Variants in ANXA8 observed in about 807,000 individuals in gnomAD.
ANXA8 encodes the protein VAC-beta.
Under a neutral mutation model 26.8 loss-of-function variants are expected in ANXA8, and 9 were observed. The ratio of observed to expected loss-of-function variants is 0.34; its 90% CI spans 0.20 to 0.59. The LOEUF (loss-of-function observed/expected upper bound fraction) is 0.59. Among genes scored for constraint, ANXA8 ranks in the 20% least tolerant of loss-of-function variants. ANXA8 has a pLI of 0.84. For missense variants in ANXA8, 83 were observed against 238.5 expected (o/e 0.35, Z 4.29); for synonymous variants, 39 against 94.8 (o/e 0.41, Z 3.42).
chr10:47,724,832 C>T, the ANXA8 span, among the ~76,000 whole-genome samples: 2 of 138,620 alleles, frequency 1.4e-5, 1 homozygote, highest in Non-Finnish European at 3.2e-5. Flanking sequence ...TTAGCAGTCA[C>T]TCTCCATTCC....
At chr10:47,492,656 G>T in the ANXA8 span, among the ~76,000 whole-genome samples, 2 of 137,004 alleles carry the variant, frequency 1.5e-5, no homozygotes, top group East Asian at 5.4e-4. Flanking sequence ...TCATCCCTGA[G>T]GCAAAGCATG....
chr10:47,968,798 C>T, the ANXA8 span, among the ~76,000 whole-genome samples: 1 of 149,660 alleles, frequency 6.7e-6, no homozygotes, highest in Non-Finnish European at 1.5e-5. Flanking sequence ...GTCATGATTT[C>T]AGTCACCATT....
the ANXA8 span, among the ~76,000 whole-genome samples, chr10:47,519,457 G>A: frequency 3.4e-5 from 4 of 116,988 alleles, no homozygotes; most frequent in African/African-American, 1.0e-4. Flanking sequence ...AACAGAGTGA[G>A]ACTCCATTTC....
chr10:47,766,633 C>CT, the ANXA8 span, among the ~76,000 whole-genome samples: 1 of 53,408 alleles, frequency 1.9e-5, no homozygotes, highest in African/African-American at 7.1e-5. Flanking sequence ...GTTCCTTCTT[C>CT]ACCAGTGAGC....
the ANXA8 span, among the ~76,000 whole-genome samples, chr10:47,669,943 C>A: frequency 6.6e-6 from 1 of 151,792 alleles, no homozygotes; most frequent in African/African-American, 2.4e-5. Context: ...TTACAGCCAT[C>A]ACTACTTTCT....
the ANXA8 span, among the ~76,000 whole-genome samples, chr10:47,525,903 C>G: frequency 7.7e-6 from 1 of 129,460 alleles, no homozygotes; most frequent in African/African-American, 3.0e-5. Flanking sequence ...CTCCCGGGCT[C>G]AAGCGATTCT....
At chr10:47,986,496 G>A in the ANXA8 span, 9 of 301,562 alleles carry the variant, frequency 3.0e-5, no homozygotes, top group African/African-American at 6.7e-5. Flanking sequence ...AGTCCAAGGT[G>A]TGTCTTTTTC....
the ANXA8 span, among the ~76,000 whole-genome samples, chr10:47,674,758 T>C: frequency 3.1e-3 from 477 of 151,896 alleles, 2 homozygotes; most frequent in Non-Finnish European, 5.3e-3. Context: ...TATGGACTTA[T>C]GGATATTTTA....
In ANXA8 at chr10:47,474,963, C is replaced by G; in HGVS notation, c.534G>C (p.Leu178=). ...DDVSSFVDPG[L]ALQDAQDLYA... is the part of the protein sequence containing the mutation. ...GCCTCACCTGTGCGTCTTGGAGGGCCAGTCCTGGGTCCACAAAGCTGCTCA... is the reference window on the plus strand; with the variant it reads ...GCCTCACCTGTGCGTCTTGGAGGGCGAGTCCTGGGTCCACAAAGCTGCTCA... Residue 178 remains leucine (L), a synonymous_variant, in exon 7 of 12, where the codon CTG becomes CTC. Transcript: ENST00000585281. 1.3e-6 allele frequency: 2 copies of G among 1,529,180 alleles called. No homozygotes were observed. The highest frequency in any genetic ancestry group is 1.8e-6 in the Non-Finnish European group (2 of 1,131,212). The allele number at this position is 1,529,180 out of a possible 1,614,324, so 94.7% of individuals were successfully genotyped here. A position where few individuals can be genotyped will look rare whatever the true frequency, so the allele number is the denominator to read the frequency against.
the ANXA8 span, among the ~76,000 whole-genome samples, chr10:47,693,847 T>A: frequency 7.2e-4 from 110 of 151,808 alleles, no homozygotes; most frequent in African/African-American, 2.6e-3. Context: ...TTATTGTAAA[T>A]GAAAAAAAAA....
chr10:47,597,983 CA>C, the ANXA8 span, among the ~76,000 whole-genome samples: 1 of 110,644 alleles, frequency 9.0e-6, no homozygotes, highest in East Asian at 2.5e-4. Context: ...AGAACAAAGG[CA>C]GGGGCAACAC....
chr10:47,703,385 T>C, the ANXA8 span, among the ~76,000 whole-genome samples: 1 of 151,368 alleles, frequency 6.6e-6, no homozygotes, highest in Admixed American at 6.6e-5. Context: ...CTGGGCAACA[T>C]GGCAAAACCC....
chr10:47,632,690 C>G, the ANXA8 span, among the ~76,000 whole-genome samples: 1 of 146,990 alleles, frequency 6.8e-6, no homozygotes, highest in Non-Finnish European at 1.5e-5. Context: ...GTGGGATTAA[C>G]AGCAGTTTGT....
the ANXA8 span, among the ~76,000 whole-genome samples, chr10:47,650,617 T>C: frequency 7.6e-5 from 11 of 145,056 alleles, no homozygotes; most frequent in South Asian, 2.2e-4. Context: ...CCATCCTGGC[T>C]AACATGGTGA....
the ANXA8 span, among the ~76,000 whole-genome samples, chr10:47,944,602 A>C: frequency 6.7e-6 from 1 of 150,340 alleles, no homozygotes; most frequent in African/African-American, 2.5e-5. Flanking sequence ...TCTTTCCCAT[A>C]CTGTTCTCGT....
At chr10:47,639,305 A>ATTC in the ANXA8 span, among the ~76,000 whole-genome samples, 1 of 55,290 alleles carries the variant, frequency 1.8e-5, no homozygotes, top group Non-Finnish European at 3.7e-5. Context: ...GCTAATTATT[A>ATTC]TTATTATTAT....
the ANXA8 span, among the ~76,000 whole-genome samples, chr10:47,560,673 C>T: frequency 1.3e-5 from 2 of 152,022 alleles, no homozygotes; most frequent in Admixed American, 6.5e-5. Flanking sequence ...CGTTAGCACC[C>T]CTCCATGCAA....
the ANXA8 span, among the ~76,000 whole-genome samples, chr10:47,527,652 T>TTG: frequency 9.0e-3 from 1,263 of 140,568 alleles, 148 homozygotes; most frequent in East Asian, 0.036. Flanking sequence ...GTGATTGGGC[T>TTG]TGTGTGTGTG....
the ANXA8 span, among the ~76,000 whole-genome samples, chr10:47,632,021 A>C: frequency 6.6e-6 from 1 of 152,234 alleles, no homozygotes; most frequent in Non-Finnish European, 1.5e-5. Context: ...TAGGTTGATA[A>C]ATTAATTATT....
Sources: allele counts gnomAD v4.1 joint callset (sites outside exome capture counted in the v4.1 genomes callset), GRCh38; gene constraint gnomAD v4.1.1; transcripts MANE v1.5; gene names NCBI Gene and HGNC (gene_info 2026-07-23, HGNC 2026-07-21).